Variants in SLC17A1 observed in about 807,000 individuals in gnomAD.
The protein encoded by SLC17A1 is sodium-dependent phosphate transport protein 1.
Under a neutral mutation model 53.5 loss-of-function variants are expected in SLC17A1, and 51 were observed. The ratio of observed to expected loss-of-function variants is 0.95; its 90% CI spans 0.76 to 1.20. SLC17A1 has a LOEUF of 1.20. Ranked by LOEUF, SLC17A1 falls within the 50% of genes most tolerant of loss-of-function variation. The probability of loss-of-function intolerance (pLI) is 0.00; values close to 1 mark genes in which losing one functional copy is unlikely to be tolerated. For synonymous variants in SLC17A1, 179 were observed against 198.8 expected, an observed-to-expected ratio of 0.90 and a Z score of 0.84; for missense variants, 538 against 568.2, an observed-to-expected ratio of 0.95 and a Z score of 0.54.
At chr6:25,726,488 T>G in the SLC17A1 span, 4 of 1,612,552 alleles carry the variant, frequency 2.5e-6, no homozygotes, top group Non-Finnish European at 3.4e-6. Context: ...GACTTAGACT[T>G]GGCGCGTGCT....
chr6:25,806,114 T>C (rs1398343506), intron 10 of SLC17A1, among the ~76,000 whole-genome samples: 2 of 152,020 alleles, frequency 1.3e-5, no homozygotes, highest in African/African-American at 4.8e-5. Flanking sequence ...TGAACATAGA[T>C]GAAAAATCCT....
At chr6:25,800,032 G>C (rs1215956541) in intron 11 of SLC17A1, among the ~76,000 whole-genome samples, 1 of 151,626 alleles carries the variant, frequency 6.6e-6, no homozygotes, top group Non-Finnish European at 1.5e-5. Flanking sequence ...CCCAACTTTG[G>C]GATAAGGAGC....
At chr6:25,777,606 C>A in the SLC17A1 span, 652 of 197,494 alleles carry the variant, frequency 3.3e-3, 3 homozygotes, top group African/African-American at 0.015. Context: ...ACAACAACAA[C>A]AAAAACCTTA....
At chr6:25,802,487 T>C (rs1763810200) in intron 10 of SLC17A1, among the ~76,000 whole-genome samples, 1 of 152,230 alleles carries the variant, frequency 6.6e-6, no homozygotes, top group Non-Finnish European at 1.5e-5. Context: ...TATTCTGTGA[T>C]TATTTATCTG....
chr6:25,773,465 G>A, the SLC17A1 span: 9 of 1,612,996 alleles, frequency 5.6e-6, no homozygotes, highest in Non-Finnish European at 6.8e-6. Context: ...ATGTGATAGA[G>A]AGAGCTGCCT....
the SLC17A1 span, among the ~76,000 whole-genome samples, chr6:25,733,119 G>C: frequency 6.6e-6 from 1 of 152,172 alleles, no homozygotes. Flanking sequence ...GGGTGGAACT[G>C]TTTCAGCACC....
At chr6:25,738,499 T>C in the SLC17A1 span, among the ~76,000 whole-genome samples, 3 of 151,952 alleles carry the variant, frequency 2.0e-5, no homozygotes, top group Admixed American at 1.3e-4. Context: ...TCTAGATGTA[T>C]GCAAAAAGTT....
At chr6:25,736,913 G>C in the SLC17A1 span, among the ~76,000 whole-genome samples, 1 of 152,176 alleles carries the variant, frequency 6.6e-6, no homozygotes, top group African/African-American at 2.4e-5. Flanking sequence ...GACAGTGAAA[G>C]AGATCTGACC....
At chr6:25,761,877 TATC>T in the SLC17A1 span, 12 of 1,089,754 alleles carry the variant, frequency 1.1e-5, 1 homozygote, top group Middle Eastern at 2.0e-4. Context: ...ATTGGGGTAA[TATC>T]ATATAAGATT....
At chr6:25,771,098 A>G in the SLC17A1 span, 1 of 1,094,312 alleles carries the variant, frequency 9.1e-7, no homozygotes, top group Non-Finnish European at 1.4e-6. Flanking sequence ...CCTAATAGAT[A>G]TGGATATTTA....
chr6:25,814,526 A>T, intron 6 of SLC17A1, among the ~76,000 whole-genome samples: 1 of 152,230 alleles, frequency 6.6e-6, no homozygotes, highest in Middle Eastern at 3.2e-3. Context: ...CTACACCCCT[A>T]GATGGCGAGG....
At chr6:25,769,513 G>A in the SLC17A1 span, among the ~76,000 whole-genome samples, 3 of 151,276 alleles carry the variant, frequency 2.0e-5, no homozygotes, top group Non-Finnish European at 4.4e-5. Flanking sequence ...AGCGGAGATC[G>A]TGCCACTGCA....
At chr6:25,805,974 C>T (rs1217686532) in intron 10 of SLC17A1, among the ~76,000 whole-genome samples, 1 of 152,052 alleles carries the variant, frequency 6.6e-6, no homozygotes, top group Non-Finnish European at 1.5e-5. Flanking sequence ...GCCAATCCTA[C>T]TGAAACTATT....
chr6:25,761,666 A>C, the SLC17A1 span, among the ~76,000 whole-genome samples: 4 of 152,198 alleles, frequency 2.6e-5, no homozygotes, highest in Non-Finnish European at 5.9e-5. Context: ...CAGAACTAGA[A>C]AGGATATTAC....
chr6:25,762,731 C>T, the SLC17A1 span, among the ~76,000 whole-genome samples: 2 of 152,160 alleles, frequency 1.3e-5, no homozygotes, highest in Admixed American at 1.3e-4. Flanking sequence ...GAGATTTCTC[C>T]TAATCTCAAC....
chr6:25,742,106 C>T, the SLC17A1 span, among the ~76,000 whole-genome samples: 4 of 152,086 alleles, frequency 2.6e-5, no homozygotes, highest in Admixed American at 2.6e-4. Flanking sequence ...TTGTTGGTGC[C>T]AAGGTAAAAC....
At chr6:25,759,811 T>G in the SLC17A1 span, among the ~76,000 whole-genome samples, 2 of 152,250 alleles carry the variant, frequency 1.3e-5, no homozygotes, top group Admixed American at 1.3e-4. Flanking sequence ...CTTGGTTGTT[T>G]ACCTGTCTTT....
At chr6:25,773,606 C>CT in the SLC17A1 span, 4 of 1,613,948 alleles carry the variant, frequency 2.5e-6, no homozygotes, top group South Asian at 1.1e-5. Flanking sequence ...TGAATACTGG[C>CT]TTTTTTATAC....
chr6:25,746,311 T>A, the SLC17A1 span, among the ~76,000 whole-genome samples: 2 of 152,190 alleles, frequency 1.3e-5, no homozygotes, highest in Non-Finnish European at 2.9e-5. Flanking sequence ...CTCATGGAGT[T>A]CCTCTTCAAA....
Sources: gnomAD v4.1 joint callset for allele counts (sites outside exome capture counted in the v4.1 genomes callset) on GRCh38, gnomAD v4.1.1 for gene constraint, MANE v1.5 for transcripts, NCBI Gene and HGNC (gene_info 2026-07-23, HGNC 2026-07-21) for gene names.